The following MARCHF1 variants were observed in gnomAD, a reference collection of about 807,000 sequenced individuals.
The protein encoded by MARCHF1 is E3 ubiquitin-protein ligase MARCHF1.
Under a neutral mutation model 54.2 loss-of-function variants are expected in MARCHF1, and 40 were observed. The observed-to-expected ratio is 0.74, with a 90% CI of 0.57 to 0.96. The LOEUF is 0.96. Ranked by LOEUF, MARCHF1 falls within the 40% of genes least tolerant of loss-of-function variation. The pLI is 0.00. For missense variants in MARCHF1, 586 were observed against 656.5 expected (o/e 0.89, Z 1.17); for synonymous variants, 236 against 236.3 (o/e 1.00, Z 0.01).
intron 1 of MARCHF1, among the ~76,000 whole-genome samples, chr4:164,351,083 T>A (rs566468622): frequency 6.6e-6 from 1 of 152,290 alleles, no homozygotes; most frequent in East Asian, 1.9e-4. Flanking sequence ...ACCACAAGAT[T>A]ATATCCCTCA....
At chr4:163,892,129 G>T (rs560406385) in intron 3 of MARCHF1, among the ~76,000 whole-genome samples, 8 of 152,028 alleles carry the variant, frequency 5.3e-5, no homozygotes, top group Non-Finnish European at 1.2e-4. Flanking sequence ...TACTCAACTA[G>T]ATTCACATTT....
rs565443567 is a variant in MARCHF1 at position 163,990,751 on chromosome 4, A to T, written c.-247-2042T>A. On this transcript the variant is annotated intron_variant, in intron 2 of 9. Coordinates refer to ENST00000514618, the MANE Select transcript of MARCHF1 (RefSeq NM_001394959.1). ...ACTGTCTTAATTAAGAGAATGCTGG[A>T]AATAGAAGTCTGTAAATCTAACAGT... Among the ~76,000 whole-genome samples the T allele has an allele frequency of 4.6e-4, 70 of 152,326 alleles. 1 individual carries two copies. Among genetic ancestry groups the T allele is most frequent in the African/African-American group, 1.7e-3 (70 of 41,576 alleles).
intron 1 of MARCHF1, among the ~76,000 whole-genome samples, chr4:164,297,934 TCTC>T (rs1424147843): frequency 6.6e-6 from 1 of 152,178 alleles, no homozygotes; most frequent in African/African-American, 2.4e-5. Context: ...ATATCATGAA[TCTC>T]CTCAATTTAA....
Position 163,980,082 on chromosome 4 carries a change from A to T in MARCHF1, c.-39+8419T>A, listed in dbSNP as rs1463022729. Among the ~76,000 whole-genome samples, 3 of 149,004 alleles carry T rather than the reference A, an allele frequency of 2.0e-5. No homozygotes were observed. The Admixed American group carries it at 2.0e-4, about 10-fold the overall frequency. On this transcript the variant is annotated intron_variant, in intron 3 of 9. Transcript: ENST00000514618. ...AAGTCAATCCTAAGCCAAAAGAACA[A>T]AGCTGGAGGCATCACACTACCTGAC...
chr4:164,264,746 C>A (rs1055281878), intron 1 of MARCHF1, among the ~76,000 whole-genome samples: 2 of 151,820 alleles, frequency 1.3e-5, no homozygotes, highest in Admixed American at 6.6e-5. Context: ...ATGGTGAAAC[C>A]CCATCTCTAC....
At chr4:164,239,984 C>T (rs1294644150) in intron 1 of MARCHF1, among the ~76,000 whole-genome samples, 2 of 152,196 alleles carry the variant, frequency 1.3e-5, no homozygotes, top group African/African-American at 4.8e-5. Context: ...TTGCTCTAAA[C>T]ATTCAGTGTT....
At chr4:164,151,955 G>A (rs1437532353) in intron 1 of MARCHF1, among the ~76,000 whole-genome samples, 1 of 151,968 alleles carries the variant, frequency 6.6e-6, no homozygotes, top group African/African-American at 2.4e-5. Flanking sequence ...TTGGGCAGCT[G>A]TTGTTAGCTT....
At chr4:163,881,896 A>C (rs1179096554) in intron 3 of MARCHF1, among the ~76,000 whole-genome samples, 1 of 152,178 alleles carries the variant, frequency 6.6e-6, no homozygotes, top group Non-Finnish European at 1.5e-5. Context: ...CTCAACTGTC[A>C]TTCCTTCAAG....
intron 2 of MARCHF1, among the ~76,000 whole-genome samples, chr4:164,045,375 G>A (rs527916604): frequency 6.0e-4 from 91 of 152,000 alleles, no homozygotes; most frequent in African/African-American, 2.1e-3. Flanking sequence ...AGCTGGGCAT[G>A]GTGGTAGTTG....
chr4:164,166,784 C>T (rs954491186), intron 1 of MARCHF1, among the ~76,000 whole-genome samples: 2 of 151,672 alleles, frequency 1.3e-5, no homozygotes, highest in Admixed American at 1.3e-4. Flanking sequence ...ATGCAATAAA[C>T]AAATTCAGTG....
chr4:163,656,845 T>C (rs1423598086), intron 5 of MARCHF1, among the ~76,000 whole-genome samples: 1 of 151,874 alleles, frequency 6.6e-6, no homozygotes, highest in Non-Finnish European at 1.5e-5. Context: ...AAGGCTTAGA[T>C]AAAATTCAGT....
chr4:163,662,450 TC>T (rs957764025), intron 5 of MARCHF1, among the ~76,000 whole-genome samples: 4 of 151,998 alleles, frequency 2.6e-5, no homozygotes, highest in African/African-American at 9.7e-5. Flanking sequence ...TTTCCTTTTT[TC>T]CCCCAAACTT....
chr4:164,069,743 T>C (rs1754821731), intron 2 of MARCHF1, among the ~76,000 whole-genome samples: 1 of 152,166 alleles, frequency 6.6e-6, no homozygotes, highest in African/African-American at 2.4e-5. Flanking sequence ...AACCCACCAA[T>C]TCTGGACACA....
At chr4:163,904,383 G>A (rs1438247331) in intron 3 of MARCHF1, among the ~76,000 whole-genome samples, 1 of 152,180 alleles carries the variant, frequency 6.6e-6, no homozygotes, top group African/African-American at 2.4e-5. Flanking sequence ...TATTAGGGCA[G>A]GGTTAGTTTT....
At chr4:163,933,861 CT>C in intron 3 of MARCHF1, among the ~76,000 whole-genome samples, 1 of 152,312 alleles carries the variant, frequency 6.6e-6, no homozygotes, top group Middle Eastern at 3.4e-3. Context: ...CTTATTCACT[CT>C]TTATTTGCTG....
intron 3 of MARCHF1, among the ~76,000 whole-genome samples, chr4:163,896,323 G>T (rs751202856): frequency 3.9e-5 from 6 of 152,146 alleles, no homozygotes; most frequent in Non-Finnish European, 8.8e-5. Context: ...CTGGAAGTCA[G>T]GAAGGCTGAA....
chr4:164,088,480 G>A (rs1755235111), intron 2 of MARCHF1, among the ~76,000 whole-genome samples: 1 of 152,178 alleles, frequency 6.6e-6, no homozygotes, highest in Non-Finnish European at 1.5e-5. Context: ...GCTCACACCT[G>A]TAGTCCTAGT....
At chr4:164,346,130 G>A (rs139120425) in intron 1 of MARCHF1, among the ~76,000 whole-genome samples, 1 of 152,144 alleles carries the variant, frequency 6.6e-6, no homozygotes, top group Admixed American at 6.6e-5. Context: ...ATTTCTTTGG[G>A]TATCAGAACT....
In MARCHF1 at chr4:163,888,774, T is replaced by C. The variant is rs536754879; in HGVS notation, c.-38-34605A>G. On this transcript the variant is annotated intron_variant, in intron 3 of 9. Transcript: ENST00000514618. ...TCAAGACAACCCCTCTGAAGGTTTT[T>C]TGGTTGGCAGCCAGAGGTCCTCTTC... is the stretch of plus-strand genomic sequence containing the variant. Among the ~76,000 whole-genome samples, 46 of 152,250 alleles carry C rather than the reference T, an allele frequency of 3.0e-4. 1 individual carries two copies. Among genetic ancestry groups the C allele is most frequent in the African/African-American group, 1.0e-3 (43 of 41,538 alleles).
Sources: gnomAD v4.1 joint callset for allele counts (sites outside exome capture counted in the v4.1 genomes callset) on GRCh38, gnomAD v4.1.1 for gene constraint, MANE v1.5 for transcripts, NCBI Gene and HGNC (gene_info 2026-07-23, HGNC 2026-07-21) for gene names.